The following BCAS3 variants were observed in gnomAD, a reference collection of about 807,000 sequenced individuals.
BCAS3 encodes the protein BCAS3 microtubule associated cell migration factor.
In BCAS3, 53 loss-of-function variants were observed where a neutral mutation model predicts 116.1. The ratio of observed to expected loss-of-function variants is 0.46; its 90% CI spans 0.37 to 0.57. The LOEUF (loss-of-function observed/expected upper bound fraction) is 0.57. BCAS3 is among the 20% of genes least tolerant of loss of function. The pLI, the probability that BCAS3 is intolerant of heterozygous loss-of-function variation, is 0.00. For synonymous variants in BCAS3, 391 were observed against 408.2 expected, an observed-to-expected ratio of 0.96 and a Z score of 0.51; for missense variants, 917 against 1,165.4, an observed-to-expected ratio of 0.79 and a Z score of 3.10.
At chr17:61,138,696 T>TA (rs1416583823) in intron 22 of BCAS3, among the ~76,000 whole-genome samples, 6 of 152,222 alleles carry the variant, frequency 3.9e-5, no homozygotes, top group Non-Finnish European at 1.5e-5. Context: ...ATAAGAGACT[T>TA]ACTTTATTGA....
chr17:60,812,435 G>A (rs1334198078), intron 7 of BCAS3, among the ~76,000 whole-genome samples: 1 of 152,176 alleles, frequency 6.6e-6, no homozygotes, highest in Non-Finnish European at 1.5e-5. Context: ...TGACTTCTTA[G>A]AATGGGAGCA....
chr17:61,169,967 G>A (rs76467262), intron 22 of BCAS3, among the ~76,000 whole-genome samples: 5 of 151,814 alleles, frequency 3.3e-5, no homozygotes, highest in African/African-American at 4.8e-5. Flanking sequence ...CAATTCTTGT[G>A]CCTCAGCCTC....
chr17:61,108,723 C>T (rs951071261), intron 22 of BCAS3, among the ~76,000 whole-genome samples: 19 of 151,352 alleles, frequency 1.3e-4, no homozygotes, highest in African/African-American at 4.1e-4. Context: ...GAGCAGTGTA[C>T]ACTGTATCCA....
intron 9 of BCAS3, among the ~76,000 whole-genome samples, chr17:60,881,687 G>A (rs1337948472): frequency 6.1e-5 from 9 of 147,966 alleles, no homozygotes; most frequent in South Asian, 4.2e-4. Flanking sequence ...GAGAATATGC[G>A]GTGTTTGGTT....
chr17:60,992,230 A>ACTCT, intron 15 of BCAS3, among the ~76,000 whole-genome samples: 1 of 147,208 alleles, frequency 6.8e-6, no homozygotes, highest in African/African-American at 2.6e-5. Context: ...ACACACACAC[A>ACTCT]CTCTGTAGGA....
chr17:60,988,431 C>T (rs543111013), intron 14 of BCAS3, among the ~76,000 whole-genome samples: 1 of 144,536 alleles, frequency 6.9e-6, no homozygotes, highest in South Asian at 2.3e-4. Context: ...ATTCCTTCCT[C>T]CTCTATTCTT....
In BCAS3 at chr17:61,376,582, T is replaced by TC. The variant is rs1421368673; in HGVS notation, c.2593+8090dup. Among the ~76,000 whole-genome samples the TC allele has an allele frequency of 2.6e-5, 4 of 152,144 alleles. No homozygotes were observed. Among genetic ancestry groups the TC allele is most frequent in the African/African-American group, 9.7e-5 (4 of 41,434 alleles). ...CCAGTCTTGTCTTTTAATTTTTTCC[T>TC]CCAAGCCTTACCTCTCCAACTTCCT... On this transcript the variant is annotated intron_variant, in intron 23 of 23. Coordinates refer to ENST00000407086, the MANE Select transcript of BCAS3 (RefSeq NM_017679.5). This position sits in a 1 kb window ranked among gnomAD's most constrained non-coding sequence, Gnocchi z 4.5.
intron 22 of BCAS3, among the ~76,000 whole-genome samples, chr17:61,267,604 A>T (rs2049846410): frequency 6.8e-6 from 1 of 147,576 alleles, no homozygotes; most frequent in Non-Finnish European, 1.5e-5. Flanking sequence ...GGGCATGGTG[A>T]TGTGTGCCTG....
chr17:60,934,426 A>G (rs1376473116), intron 13 of BCAS3, among the ~76,000 whole-genome samples: 2 of 152,372 alleles, frequency 1.3e-5, no homozygotes, highest in South Asian at 2.1e-4. Flanking sequence ...AGACCTGTCT[A>G]CAACAAATAT....
In BCAS3 at chr17:60,990,332, C is replaced by A; in HGVS notation, c.1486+97C>A. 1 of 1,317,420 alleles carries A rather than the reference C, an allele frequency of 7.6e-7. No individual in the cohort carries two copies. Among genetic ancestry groups the A allele is most frequent in the Non-Finnish European group, 1.0e-6 (1 of 960,578 alleles). 81.6% of individuals were successfully genotyped at this position (1,317,420 alleles called of 1,614,324 possible). ...AAAACTAAACTTGTTATAGTCTGTT[C>A]ATGTAAAAAGAAGATCTTAGGCTTA... On this transcript the variant is annotated intron_variant, in intron 15 of 23. Coordinates refer to ENST00000407086, the MANE Select transcript of BCAS3 (RefSeq NM_017679.5). This position sits in a 1 kb window ranked among gnomAD's most constrained non-coding sequence, Gnocchi z 5.1.
At chr17:60,694,446 A>C (rs1171246652) in intron 4 of BCAS3, among the ~76,000 whole-genome samples, 1 of 152,006 alleles carries the variant, frequency 6.6e-6, no homozygotes, top group Non-Finnish European at 1.5e-5. Context: ...GGATGCAACA[A>C]GCCGAGACTG....
At chr17:60,901,660 A>G (rs188318325) in intron 10 of BCAS3, among the ~76,000 whole-genome samples, 1 of 152,340 alleles carries the variant, frequency 6.6e-6, no homozygotes, top group Non-Finnish European at 1.5e-5. Flanking sequence ...GTTTAAAATA[A>G]CAATGTCAGT....
At chr17:60,733,622 G>C (rs2144176892) in intron 5 of BCAS3, among the ~76,000 whole-genome samples, 1 of 152,212 alleles carries the variant, frequency 6.6e-6, no homozygotes, top group African/African-American at 2.4e-5. Context: ...TGAGATGACT[G>C]CTTGAGCCCG....
At chr17:60,891,553 T>C (rs1293540257) in intron 10 of BCAS3, among the ~76,000 whole-genome samples, 1 of 152,260 alleles carries the variant, frequency 6.6e-6, no homozygotes, top group Admixed American at 6.5e-5. Flanking sequence ...GTTTTAGCTT[T>C]GGGGCTGAGT....
At chr17:60,850,618 G>C (rs114110453) in intron 7 of BCAS3, among the ~76,000 whole-genome samples, 4,592 of 151,864 alleles carry the variant, frequency 0.03, 179 homozygotes, top group East Asian at 0.091. Flanking sequence ...CTCGGCTTCT[G>C]AAAGTGCTGG....
intron 22 of BCAS3, among the ~76,000 whole-genome samples, chr17:61,152,723 A>AG (rs2077608871): frequency 6.6e-6 from 1 of 152,072 alleles, no homozygotes; most frequent in African/African-American, 2.4e-5. Context: ...CTTCTAAAAA[A>AG]AAAAATACCC....
At chr17:60,941,855 A>G (rs937550654) in intron 13 of BCAS3, among the ~76,000 whole-genome samples, 2 of 152,246 alleles carry the variant, frequency 1.3e-5, no homozygotes, top group Admixed American at 6.5e-5. Context: ...TTGAATGCTC[A>G]TTCTACATAA....
intron 5 of BCAS3, among the ~76,000 whole-genome samples, chr17:60,726,029 G>A (rs1295898350): frequency 6.6e-6 from 1 of 151,724 alleles, no homozygotes; most frequent in Non-Finnish European, 1.5e-5. Context: ...CCGAGTAGCT[G>A]GGATTACAGG....
Position 61,324,151 on chromosome 17 carries a change from G to A in BCAS3, c.2426-44176G>A, listed in dbSNP as rs1314994134. On this transcript the variant is annotated intron_variant, in intron 22 of 23. Transcript: ENST00000407086. The surrounding 1 kb of genome is among the most constrained non-coding windows in gnomAD (Gnocchi z 4.6). Reference sequence around the variant, plus strand: ...CCATCAGGCTGCAAACTCCTCCAGAGGCAGGGACCCCATCCTTCTGATTCT... The same window carrying A: ...CCATCAGGCTGCAAACTCCTCCAGAAGCAGGGACCCCATCCTTCTGATTCT... Among the ~76,000 whole-genome samples the A allele has an allele frequency of 1.3e-5, 2 of 152,160 alleles. No homozygotes were observed.
Sources: allele counts gnomAD v4.1 joint callset (sites outside exome capture counted in the v4.1 genomes callset), GRCh38; gene constraint gnomAD v4.1.1; non-coding constraint Gnocchi (gnomAD v3.1); transcripts MANE v1.5; gene names NCBI Gene and HGNC (gene_info 2026-07-23, HGNC 2026-07-21).